LRRIQ4: variants seen among roughly 807,000 people sequenced by gnomAD.
LRRIQ4 encodes the protein leucine rich repeats and IQ motif containing 4.
LRRIQ4 carries 21 observed loss-of-function variants against 40.1 expected under a neutral mutation model. That is an observed-to-expected ratio of 0.52 (90% CI 0.37 to 0.75). LRRIQ4 has a LOEUF of 0.75. LRRIQ4 is among the 30% of genes least tolerant of loss of function. LRRIQ4 has a pLI of 0.00. For synonymous variants in LRRIQ4, 277 were observed against 277.1 expected, an observed-to-expected ratio of 1.00 and a Z score of 0.00; for missense variants, 655 against 660.0, an observed-to-expected ratio of 0.99 and a Z score of 0.08.
chr3:169,833,113 G>A lies in LRRIQ4; in HGVS notation c.1460G>A (p.Cys487Tyr), dbSNP rs774837951. 6.2e-7 allele frequency: 1 copy of A among 1,614,014 alleles called. No individual in the cohort carries two copies. Among genetic ancestry groups the A allele is most frequent in the Non-Finnish European group, 8.5e-7 (1 of 1,179,888 alleles). Residue 487 changes from cysteine to tyrosine, a missense_variant, in exon 5 of 6, where the codon TGT becomes TAT. Physicochemically the swap from Cys to Tyr is radical, Grantham distance 194. Transcript: ENST00000340806. ...NPMEEPPKEV[C>Y]AEGNEAIWKY... ...ATGGAAGAACCCCCAAAAGAAGTGT[G>A]TGCTGAAGGCAATGAGGCCATATGG...
chr3:169,818,577 G>T (rs1454045557), intron 1 of LRRIQ4, among the ~76,000 whole-genome samples: 1 of 152,142 alleles, frequency 6.6e-6, no homozygotes, highest in African/African-American at 2.4e-5. Flanking sequence ...TTTATTTCCT[G>T]TTTTCAAGGC....
chr3:169,818,325 G>GATT (rs1249286396), intron 1 of LRRIQ4, among the ~76,000 whole-genome samples: 2 of 152,188 alleles, frequency 1.3e-5, no homozygotes, highest in African/African-American at 2.4e-5. Context: ...GTTAAAACCA[G>GATT]GGACTGTGAT....
intron 5 of LRRIQ4, among the ~76,000 whole-genome samples, chr3:169,833,554 G>C (rs983348477): frequency 6.6e-5 from 10 of 152,216 alleles, no homozygotes; most frequent in Non-Finnish European, 1.3e-4. Flanking sequence ...TTATAGATGA[G>C]AGGCTGAGCC....
intron 4 of LRRIQ4, among the ~76,000 whole-genome samples, chr3:169,831,415 A>G (rs1250688496): frequency 8.1e-6 from 1 of 124,148 alleles, no homozygotes; most frequent in African/African-American, 3.1e-5. Context: ...CTGGAACTAC[A>G]GGCGCCCGCC....
At chr3:169,825,288 G>A (rs936175815) in intron 2 of LRRIQ4, among the ~76,000 whole-genome samples, 1 of 152,204 alleles carries the variant, frequency 6.6e-6, no homozygotes, top group Admixed American at 6.5e-5. Flanking sequence ...TTACAGGCGT[G>A]AGCCACTGTG....
Position 169,822,601 on chromosome 3 carries a change from C to T in LRRIQ4, c.680C>T (p.Pro227Leu), listed in dbSNP as rs770242881. Residue 227 changes from proline (P) to leucine (L), a missense_variant, in exon 2 of 6, where the codon CCC (proline) becomes CTC (leucine). Pro to Leu is a moderately conservative substitution (Grantham distance 98, BLOSUM62 -3). Transcript: ENST00000340806. ...GCTTCTAACAACCTTCCCGTTCTGC[C>T]CGCGTCCTTGTGCCAGTGTAGCCAA... ...YMASNNLPVLPASLCQCSQLS... is the reference protein window; with the variant it reads ...YMASNNLPVLLASLCQCSQLS... The T allele has an allele frequency of 6.2e-7, 1 of 1,614,022 alleles. No individual in the cohort carries two copies. Among genetic ancestry groups the T allele is most frequent in the South Asian group, 1.1e-5 (1 of 91,090 alleles).
chr3:169,817,691 TG>T (rs141614797), intron 1 of LRRIQ4, among the ~76,000 whole-genome samples: 2,378 of 152,286 alleles, frequency 0.016, 67 homozygotes, highest in African/African-American at 0.054. Flanking sequence ...TGACCTTTTT[TG>T]TCTTTTTTTA....
At chr3:169,829,991 G>C (rs947141048) in intron 3 of LRRIQ4, among the ~76,000 whole-genome samples, 5 of 152,106 alleles carry the variant, frequency 3.3e-5, no homozygotes, top group African/African-American at 1.2e-4. Context: ...CACAATCTTA[G>C]GGTGAAGTAC....
At chr3:169,819,106 G>A (rs1576759643) in intron 1 of LRRIQ4, among the ~76,000 whole-genome samples, 1 of 152,038 alleles carries the variant, frequency 6.6e-6, no homozygotes, top group African/African-American at 2.4e-5. Context: ...CCATAATATT[G>A]GATTGTAATA....
intron 4 of LRRIQ4, among the ~76,000 whole-genome samples, chr3:169,831,892 G>T (rs140519746): frequency 0.011 from 1,593 of 151,512 alleles, 17 homozygotes; most frequent in Admixed American, 0.022. Flanking sequence ...GCTTGAATCC[G>T]GGAGGCAGAG....
intron 5 of LRRIQ4, among the ~76,000 whole-genome samples, chr3:169,836,882 G>C (rs145815590): frequency 6.0e-4 from 91 of 152,336 alleles, no homozygotes; most frequent in African/African-American, 2.1e-3. Context: ...AGAGGTTAGA[G>C]GGGTCAGGAT....
rs56795981 is a variant in LRRIQ4, at chr3:169,830,377, G to GAAAA, written c.1195-86_1195-83dup. The GAAAA allele has an allele frequency of 9.4e-3, 997 of 106,604 alleles. 248 individuals carry two copies. Among genetic ancestry groups the GAAAA allele is most frequent in the Admixed American group, 0.014 (62 of 4,334 alleles). 6.6% of individuals were successfully genotyped at this position (106,604 alleles called of 1,614,324 possible). A position where few individuals can be genotyped will look rare whatever the true frequency, so the allele number is the denominator to read the frequency against. The stretch of plus-strand genomic sequence containing the variant: ...AATGCGTAATTTCCCCACTGAAAGT[G>GAAAA]AAAAAAAAAAAAAAAAAAAAAAAAA... On this transcript the variant is annotated intron_variant, in intron 3 of 5. Coordinates refer to ENST00000340806, the MANE Select transcript of LRRIQ4 (RefSeq NM_001080460.3).
chr3:169,828,934 T>A lies in LRRIQ4; in HGVS notation c.1194+2T>A, dbSNP rs756516542. The A allele has an allele frequency of 3.7e-6, 6 of 1,601,352 alleles. No individual in the cohort carries two copies. The highest frequency in any genetic ancestry group is 1.4e-5 in the African/African-American group (1 of 73,966). ...CCAGAACACATTAGGAAACTGCAGG[T>A]AAGCCTCCCCAAATGAGCAGGCTAA... On this transcript the variant is annotated splice_donor_variant, in intron 3 of 5. Coordinates refer to ENST00000340806, the MANE Select transcript of LRRIQ4 (RefSeq NM_001080460.3). LOFTEE classifies it high-confidence loss of function.
chr3:169,817,348 C>A (rs1779788888), intron 1 of LRRIQ4, among the ~76,000 whole-genome samples: 2 of 152,086 alleles, frequency 1.3e-5, no homozygotes, highest in South Asian at 4.1e-4. Flanking sequence ...TGTTTTGTGA[C>A]CTAAAATATG....
chr3:169,821,774 G>A (rs758648848), intron 1 of LRRIQ4, 117 bp from the exon 2 acceptor site: 3 of 521,858 alleles, frequency 5.7e-6, no homozygotes, highest in African/African-American at 2.0e-5. Flanking sequence ...TTTATGTTCT[G>A]TCATAATTTC....
chr3:169,815,128 G>A lies in LRRIQ4; in HGVS notation c.-32+2082G>A, dbSNP rs73034281. On this transcript the variant is annotated intron_variant, in intron 1 of 5. Transcript: ENST00000340806. ...GCTTTGGCTATGCTGGATCTTTTGTGGTTTCATACAAATTTTAGGATTATT... is the reference window on the plus strand; with the variant it reads ...GCTTTGGCTATGCTGGATCTTTTGTAGTTTCATACAAATTTTAGGATTATT... 5.1e-3 allele frequency among the ~76,000 whole-genome samples: 774 copies of A among 152,092 alleles called. 6 individuals are homozygous for A. Among genetic ancestry groups the A allele is most frequent in the African/African-American group, 0.018 (737 of 41,492 alleles).
intron 5 of LRRIQ4, among the ~76,000 whole-genome samples, chr3:169,835,205 C>T (rs1174323204): frequency 1.3e-5 from 2 of 152,064 alleles, no homozygotes; most frequent in East Asian, 3.9e-4. Context: ...ATTTATATCC[C>T]CCAAATCGAT....
chr3:169,828,358 G>A (rs1415777731), intron 2 of LRRIQ4, among the ~76,000 whole-genome samples: 1 of 151,894 alleles, frequency 6.6e-6, no homozygotes, highest in African/African-American at 2.4e-5. Context: ...TCAGCCTCCC[G>A]AGTAGCTGGG....
At chr3:169,833,481 A>G (rs1387777072) in intron 5 of LRRIQ4, among the ~76,000 whole-genome samples, 2 of 152,224 alleles carry the variant, frequency 1.3e-5, no homozygotes, top group African/African-American at 4.8e-5. Context: ...TTTCATTGGA[A>G]TGAAAAAAGT....
Sources: allele counts gnomAD v4.1 joint callset (sites outside exome capture counted in the v4.1 genomes callset), GRCh38; gene constraint gnomAD v4.1.1; transcripts MANE v1.5; gene names NCBI Gene and HGNC (gene_info 2026-07-23, HGNC 2026-07-21).